CEP85L: variants seen among roughly 807,000 people sequenced by gnomAD.
The protein encoded by CEP85L is centrosomal protein of 85 kDa-like.
Under a neutral mutation model 100.3 loss-of-function variants are expected in CEP85L, and 60 were observed. The ratio of observed to expected loss-of-function variants is 0.60; its 90% confidence interval spans 0.49 to 0.74. The LOEUF (loss-of-function observed/expected upper bound fraction) is 0.74, where lower values mean the gene tolerates loss of function less well. Among genes scored for constraint, CEP85L ranks in the 30% least tolerant of loss-of-function variants. The pLI is 0.00. For synonymous variants in CEP85L, 319 were observed against 322.7 expected (o/e 0.99, Z 0.12); for missense variants, 973 against 936.2 (o/e 1.04, Z -0.51).
intron 1 of CEP85L, among the ~76,000 whole-genome samples, chr6:118,663,321 T>C (rs1037233872): frequency 6.6e-6 from 1 of 152,214 alleles, no homozygotes; most frequent in Non-Finnish European, 1.5e-5. Context: ...GGAAAAACTG[T>C]ATGCATGAAA....
At chr6:118,568,377 C>G (rs1487284756) in intron 2 of CEP85L, among the ~76,000 whole-genome samples, 2 of 152,168 alleles carry the variant, frequency 1.3e-5, no homozygotes, top group Non-Finnish European at 2.9e-5. Context: ...GCTCAACCAG[C>G]CAGTAAACAA....
intron 5 of CEP85L, chr6:118,502,267 G>C (rs942923553): frequency 1.8e-6 from 1 of 559,926 alleles, no homozygotes; most frequent in African/African-American, 1.9e-5. Context: ...TATCAGCAAG[G>C]ATAATTCAGA....
At chr6:118,701,844 G>A (rs972980908) in intron 1 of CEP85L, among the ~76,000 whole-genome samples, 8 of 152,114 alleles carry the variant, frequency 5.3e-5, no homozygotes, top group African/African-American at 7.2e-5. Flanking sequence ...AAATTCACAT[G>A]ATGGTTCATT....
chr6:118,632,423 C>A, intron 2 of CEP85L, 30 bp downstream of exon 2: 1 of 1,539,900 alleles, frequency 6.5e-7, no homozygotes, highest in Non-Finnish European at 8.8e-7. Flanking sequence ...TTCAAAGATT[C>A]ATATATAAAC....
intron 2 of CEP85L, among the ~76,000 whole-genome samples, chr6:118,594,489 GA>G (rs1471423813): frequency 6.6e-6 from 1 of 152,030 alleles, no homozygotes; most frequent in African/African-American, 2.4e-5. Flanking sequence ...ATAATCAAAA[GA>G]AAAAACTTAA....
intron 5 of CEP85L, among the ~76,000 whole-genome samples, 182 bp downstream of exon 5, chr6:118,511,116 G>T (rs1449904291): frequency 1.3e-5 from 2 of 152,016 alleles, no homozygotes; most frequent in African/African-American, 2.4e-5. Flanking sequence ...GTGTGGAGAG[G>T]GGTGTGCAAT....
At chr6:118,568,120 T>C (rs1378679160) in intron 2 of CEP85L, among the ~76,000 whole-genome samples, 1 of 152,178 alleles carries the variant, frequency 6.6e-6, no homozygotes, top group Non-Finnish European at 1.5e-5. Context: ...CATTTTTGGG[T>C]GATACAGGCA....
intron 1 of CEP85L, among the ~76,000 whole-genome samples, chr6:118,659,302 T>C (rs1775896157): frequency 6.6e-6 from 1 of 152,174 alleles, no homozygotes; most frequent in South Asian, 2.1e-4. Flanking sequence ...AAAGAAATTA[T>C]GAAAAGATAT....
intron 2 of CEP85L, among the ~76,000 whole-genome samples, chr6:118,593,569 C>T (rs541611786): frequency 1.3e-5 from 2 of 151,672 alleles, no homozygotes; most frequent in South Asian, 2.1e-4. Flanking sequence ...AAACCATTCA[C>T]GAGAAACTGC....
At chr6:118,662,621 ATAGT>A (rs1776012664) in intron 1 of CEP85L, among the ~76,000 whole-genome samples, 1 of 152,180 alleles carries the variant, frequency 6.6e-6, no homozygotes, top group Non-Finnish European at 1.5e-5. Context: ...GCCAGGAGAC[ATAGT>A]TAATTAGTGG....
chr6:118,701,664 T>G (rs780826754), intron 1 of CEP85L, among the ~76,000 whole-genome samples: 3 of 152,170 alleles, frequency 2.0e-5, no homozygotes, highest in Non-Finnish European at 2.9e-5. Flanking sequence ...GAAAAACTGT[T>G]GGGTGCTATG....
chr6:118,697,970 G>T (rs565209296), intron 1 of CEP85L, among the ~76,000 whole-genome samples: 10 of 152,084 alleles, frequency 6.6e-5, no homozygotes, highest in Admixed American at 2.0e-4. Context: ...TGCGAACTTC[G>T]TATTCACTCT....
intron 3 of CEP85L, chr6:118,560,374 A>G (rs951182196): frequency 1.2e-5 from 2 of 167,008 alleles, no homozygotes; most frequent in Admixed American, 6.5e-5. Flanking sequence ...TTAGAAAATC[A>G]TAAGAAAGAG....
intron 2 of CEP85L, among the ~76,000 whole-genome samples, chr6:118,591,763 C>A (rs1252001147): frequency 6.6e-6 from 1 of 152,146 alleles, no homozygotes; most frequent in Admixed American, 6.5e-5. Context: ...TTGCTTCATT[C>A]TTTCCTTGCT....
Position 118,617,714 on chromosome 6 carries a change from C to T in CEP85L, c.232+14739G>A, listed in dbSNP as rs910843351. On this transcript the variant is annotated intron_variant, in intron 2 of 12. Transcript: ENST00000368491. Reference sequence around the variant, plus strand: ...ATAAAACCTACAGCTCATTCTCTCTCTTGGTCCAAGTATCTGTCACTCGCC... The same window carrying T: ...ATAAAACCTACAGCTCATTCTCTCTTTTGGTCCAAGTATCTGTCACTCGCC... 1.3e-5 allele frequency among the ~76,000 whole-genome samples: 2 copies of T among 152,166 alleles called. 1 individual carries two copies. Among genetic ancestry groups the T allele is most frequent in the South Asian group, 4.1e-4 (2 of 4,824 alleles).
chr6:118,652,628 A>G (rs531390025), upstream of CEP85L: 30 of 1,525,902 alleles, frequency 2.0e-5, no homozygotes, highest in Admixed American at 5.0e-4. Context: ...CCTTAAAGAC[A>G]TTTTAATTGG....
intron 3 of CEP85L, among the ~76,000 whole-genome samples, chr6:118,547,099 T>C (rs1778250714): frequency 6.6e-6 from 1 of 152,092 alleles, no homozygotes; most frequent in African/African-American, 2.4e-5. Flanking sequence ...GTTCACTCTG[T>C]CATAAGCATT....
intron 2 of CEP85L, among the ~76,000 whole-genome samples, chr6:118,575,915 G>T (rs1300514630): frequency 4.6e-5 from 7 of 151,988 alleles, no homozygotes; most frequent in Non-Finnish European, 1.0e-4. Flanking sequence ...CCCCCAACAG[G>T]CCGCCTCAAG....
upstream of CEP85L, among the ~76,000 whole-genome samples, chr6:118,655,850 G>T (rs1049742501): frequency 6.6e-6 from 1 of 152,152 alleles, no homozygotes; most frequent in Non-Finnish European, 1.5e-5. Flanking sequence ...ATTTTATGTT[G>T]AGTAGTTAGT....
Sources: allele counts gnomAD v4.1 joint callset (sites outside exome capture counted in the v4.1 genomes callset), GRCh38; gene constraint gnomAD v4.1.1; transcripts MANE v1.5; gene names NCBI Gene and HGNC (gene_info 2026-07-23, HGNC 2026-07-21).